The following LRRN3 variants were observed in gnomAD, a reference collection of about 807,000 sequenced individuals.
The protein encoded by LRRN3 is leucine rich repeat neuronal 3.
A neutral mutation model predicts 40.1 loss-of-function variants in LRRN3; 15 were observed. The observed-to-expected ratio is 0.37, with a 90% CI of 0.25 to 0.58. The LOEUF (loss-of-function observed/expected upper bound fraction) is 0.58. LRRN3 is among the 20% of genes least tolerant of loss of function. The pLI is 0.72. For synonymous variants in LRRN3, 308 were observed against 297.2 expected (o/e 1.04, Z -0.37); for missense variants, 746 against 837.7 (o/e 0.89, Z 1.35).
rs939311613 is a variant in LRRN3 at position 111,122,654 on chromosome 7, T to C, written c.-119T>C. On this transcript the variant is annotated 5_prime_UTR_variant, in exon 3 of 3. It removes an upstream start codon present in the reference 5' UTR. Coordinates refer to ENST00000308478, the MANE Select transcript of LRRN3 (RefSeq NM_001099658.2). ...AGTGAAGAAAAACTTTGTGGTTCTA[T>C]GGCATTCATCATTTGACAAATGCAA... 11 of 786,606 alleles carry C rather than the reference T, an allele frequency of 1.4e-5. No individual in the cohort carries two copies. Among genetic ancestry groups the C allele is most frequent in the Admixed American group, 5.3e-5 (2 of 37,626 alleles). 48.7% of individuals were successfully genotyped at this position (786,606 alleles called of 1,614,324 possible).
At chr7:111,108,859 TA>T (rs1798848693) in intron 2 of LRRN3, among the ~76,000 whole-genome samples, 1 of 152,130 alleles carries the variant, frequency 6.6e-6, no homozygotes. Flanking sequence ...AATTTATAAT[TA>T]AAAGCAACTG....
chr7:111,111,902 CTTTATTTATATAT>C (rs1367063594), intron 2 of LRRN3, among the ~76,000 whole-genome samples: 1 of 133,312 alleles, frequency 7.5e-6, no homozygotes, highest in Non-Finnish European at 1.6e-5. Context: ...AAATGCAAAA[CTTTATTTATATAT>C]TTTATTTATA....
rs756733518 is a variant in LRRN3 at position 111,124,829 on chromosome 7, C to G, written c.2057C>G (p.Ala686Gly). The change falls in exon 3 of 3, where the codon GCA (alanine) becomes GGA (glycine). Residue 686 changes from alanine to glycine, a missense_variant. Physicochemically the swap from Ala to Gly is moderately conservative, Grantham distance 60 (BLOSUM62 0). Transcript: ENST00000308478. ...CCTCCTCTGATAAATCTCTGGGAAG[C>G]AGGAAAAGAAAAAAGTACATCACTG... ...LYPPLINLWE[A>G]GKEKSTSLKV... 6.2e-7 allele frequency: 1 copy of G among 1,607,328 alleles called. No homozygotes were observed. The highest frequency in any genetic ancestry group is 8.5e-7 in the Non-Finnish European group (1 of 1,178,456).
At chr7:111,099,256 A>G (rs982433770) in intron 1 of LRRN3, among the ~76,000 whole-genome samples, 1 of 151,714 alleles carries the variant, frequency 6.6e-6, no homozygotes, top group Non-Finnish European at 1.5e-5. Flanking sequence ...CTTTCCTTGT[A>G]TCTAGTTCCA....
At chr7:111,104,484 C>T (rs1798322757) in intron 2 of LRRN3, among the ~76,000 whole-genome samples, 1 of 151,808 alleles carries the variant, frequency 6.6e-6, no homozygotes, top group Non-Finnish European at 1.5e-5. Flanking sequence ...CTAATACCAT[C>T]ACTTCTATTG....
chr7:111,124,999 A>C lies in LRRN3; in HGVS notation c.*100A>C. 2.3e-6 allele frequency: 2 copies of C among 859,936 alleles called. No homozygotes were observed. Among genetic ancestry groups the C allele is most frequent in the Non-Finnish European group, 3.5e-6 (2 of 571,390 alleles). 53.3% of individuals were successfully genotyped at this position (859,936 alleles called of 1,614,324 possible). ...AAACAAAACAAACAAACAAACAAAA[A>C]AGTAAAAAAAGATTACTTTCGAGAG... On this transcript the variant is annotated 3_prime_UTR_variant, in exon 3 of 3. Transcript: ENST00000308478.
chr7:111,098,339 C>T (rs1797617083), intron 1 of LRRN3, among the ~76,000 whole-genome samples: 1 of 151,762 alleles, frequency 6.6e-6, no homozygotes, highest in Non-Finnish European at 1.5e-5. Context: ...ATCAGTGAGG[C>T]ATTTTCCAAA....
intron 1 of LRRN3, among the ~76,000 whole-genome samples, chr7:111,095,651 C>G (rs1350084898): frequency 3.3e-5 from 5 of 151,918 alleles, no homozygotes; most frequent in Non-Finnish European, 5.9e-5. Flanking sequence ...AATAATAATA[C>G]TGCTATCCTT....
Position 111,123,311 on chromosome 7 carries a change from A to G in LRRN3, c.539A>G (p.Asn180Ser). ...HLNSNRLQMI[N>S]SKWFDALPNL... The stretch of plus-strand genomic sequence containing the variant: ...AATTCAAATAGATTGCAGATGATCA[A>G]CAGTAAGTGGTTTGATGCTCTTCCA... Residue 180 changes from asparagine to serine, a missense_variant, in exon 3 of 3, where the codon AAC becomes AGC. Physicochemically the swap from Asn to Ser is conservative, Grantham distance 46. Coordinates refer to ENST00000308478, the MANE Select transcript of LRRN3 (RefSeq NM_001099658.2). This position sits in a 1 kb window ranked among gnomAD's most constrained non-coding sequence, Gnocchi z 6.4. 1 of 1,613,890 alleles carries G rather than the reference A, an allele frequency of 6.2e-7. No individual in the cohort carries two copies. The highest frequency in any genetic ancestry group is 8.5e-7 in the Non-Finnish European group (1 of 1,179,948).
At chr7:111,112,789 C>G (rs1319317487) in intron 2 of LRRN3, among the ~76,000 whole-genome samples, 3 of 152,112 alleles carry the variant, frequency 2.0e-5, no homozygotes, top group Admixed American at 2.0e-4. Flanking sequence ...TATCGTCTTC[C>G]TTAGGTATAG....
chr7:111,124,871 T>C lies in LRRN3; in HGVS notation c.2099T>C (p.Val700Ala), dbSNP rs1370939671. 1 of 1,603,222 alleles carries C rather than the reference T, an allele frequency of 6.2e-7. No homozygotes were observed. Among genetic ancestry groups the C allele is most frequent in the Admixed American group, 1.7e-5 (1 of 58,204 alleles). Residue 700 changes from valine (V) to alanine (A), a missense_variant, in exon 3 of 3, where the codon GTT becomes GCT. By Grantham distance (64) the Val-to-Ala change is moderately conservative (BLOSUM62 0). Coordinates refer to ENST00000308478, the MANE Select transcript of LRRN3 (RefSeq NM_001099658.2). ...KSTSLKVKAT[V>A]IGLPTNMS Reference sequence around the variant, plus strand: ...ACATCACTGAAAGTAAAAGCAACTGTTATAGGTTTACCAACAAATATGTCC... The same window carrying C: ...ACATCACTGAAAGTAAAAGCAACTGCTATAGGTTTACCAACAAATATGTCC...
chr7:111,122,099 C>T (rs1800710503), intron 2 of LRRN3, among the ~76,000 whole-genome samples: 1 of 151,266 alleles, frequency 6.6e-6, no homozygotes, highest in Non-Finnish European at 1.5e-5. Context: ...GGAGGGATAG[C>T]ATTAGGAGAT....
intron 2 of LRRN3, among the ~76,000 whole-genome samples, chr7:111,115,932 C>T (rs1235791872): frequency 1.3e-5 from 2 of 152,138 alleles, no homozygotes; most frequent in African/African-American, 4.8e-5. Flanking sequence ...CCAACTCAGC[C>T]TCCCAAAGGG....
At position 111,124,059 on chromosome 7, in the gene LRRN3, T is replaced by C. The variant is rs749439264; in HGVS notation, c.1287T>C (p.Pro429=). Residue 429 remains proline (P), a synonymous_variant, in exon 3 of 3, where the codon CCT becomes CCC. Transcript: ENST00000308478. ...CLPLIAPESF[P]SNLNVEAGSY... is the part of the protein sequence containing the mutation. ...CTCTTATAGCTCCTGAGAGCTTTCCTTCTAATCTAAATGTAGAAGCTGGGA... is the reference window on the plus strand; with the variant it reads ...CTCTTATAGCTCCTGAGAGCTTTCCCTCTAATCTAAATGTAGAAGCTGGGA... 2.5e-6 allele frequency: 4 copies of C among 1,613,928 alleles called. No individual in the cohort carries two copies. The African/African-American group carries it at 4.0e-5, about 16-fold the overall frequency.
In LRRN3 at chr7:111,122,944, T is replaced by C. The variant is rs778927762; in HGVS notation, c.172T>C (p.Leu58=). 6.2e-7 allele frequency: 1 copy of C among 1,614,046 alleles called. No individual in the cohort carries two copies. Among genetic ancestry groups the C allele is most frequent in the South Asian group, 1.1e-5 (1 of 91,078 alleles). ...AGCATCTACAGTGGATTGTAATGAT[T>C]TAGGTCTTTTAACTTTCCCAGCCAG... ...MEASTVDCND[L]GLLTFPARLP... Residue 58 remains leucine (L), a synonymous_variant, in exon 3 of 3, where the codon TTA becomes CTA. Transcript: ENST00000308478.
At chr7:111,092,173 C>T (rs1796941483) in intron 1 of LRRN3, among the ~76,000 whole-genome samples, 1 of 152,136 alleles carries the variant, frequency 6.6e-6, no homozygotes, top group Non-Finnish European at 1.5e-5. Context: ...AATAACATCC[C>T]CTCGCTGGTC....
Position 111,124,012 on chromosome 7 carries a change from G to C in LRRN3, c.1240G>C (p.Asp414His). ...GQNVRQVHFR[D>H]MMEICLPLIA... ...GAATGTTCGGCAAGTGCATTTCAGG[G>C]ACATGATGGAAATTTGTCTCCCTCT... The change falls in exon 3 of 3, where the codon GAC becomes CAC. Residue 414 changes from aspartate (D) to histidine (H), a missense_variant. Physicochemically the swap from Asp to His is moderately conservative, Grantham distance 81. Coordinates refer to ENST00000308478, the MANE Select transcript of LRRN3 (RefSeq NM_001099658.2). 2 of 1,614,094 alleles carry C rather than the reference G, an allele frequency of 1.2e-6. No homozygotes were observed. The highest frequency in any genetic ancestry group is 1.7e-6 in the Non-Finnish European group (2 of 1,179,994).
chr7:111,116,197 AT>A (rs760942223), intron 2 of LRRN3, among the ~76,000 whole-genome samples: 51 of 152,324 alleles, frequency 3.3e-4, no homozygotes, highest in Admixed American at 9.1e-4. Flanking sequence ...TCTGAGCCCT[AT>A]ATCCAGAGGA....
In LRRN3 at chr7:111,122,759, A is replaced by G; in HGVS notation, c.-14A>G. 1 of 1,599,996 alleles carries G rather than the reference A, an allele frequency of 6.3e-7. No homozygotes were observed. Among genetic ancestry groups the G allele is most frequent in the African/African-American group, 1.3e-5 (1 of 74,562 alleles). On this transcript the variant is annotated 5_prime_UTR_variant, in exon 3 of 3. Coordinates refer to ENST00000308478, the MANE Select transcript of LRRN3 (RefSeq NM_001099658.2). ...CCTTAAGGGCCCATTACATTTCTGAAGAAGAAAGCTAAGATGAAGGACATG... is the reference window on the plus strand; with the variant it reads ...CCTTAAGGGCCCATTACATTTCTGAGGAAGAAAGCTAAGATGAAGGACATG...
Sources: gnomAD v4.1 joint callset for allele counts (sites outside exome capture counted in the v4.1 genomes callset) on GRCh38, gnomAD v4.1.1 for gene constraint, Gnocchi (gnomAD v3.1) non-coding constraint, MANE v1.5 for transcripts, NCBI Gene and HGNC (gene_info 2026-07-23, HGNC 2026-07-21) for gene names.